The following HS3ST4 variants were observed in gnomAD, a reference collection of about 807,000 sequenced individuals.
HS3ST4 encodes the protein heparan sulfate-glucosamine 3-sulfotransferase 4.
Under a neutral mutation model 29.2 loss-of-function variants are expected in HS3ST4, and 17 were observed. That is an observed-to-expected ratio of 0.58 (90% CI 0.40 to 0.87). The LOEUF is 0.87. Ranked by LOEUF, HS3ST4 falls within the 40% of genes least tolerant of loss-of-function variation. The pLI, the probability that HS3ST4 is intolerant of heterozygous loss-of-function variation, is 0.00. For missense variants in HS3ST4, 627 were observed against 634.5 expected (o/e 0.99, Z 0.13); for synonymous variants, 314 against 285.7 (o/e 1.10, Z -1.00).
At chr16:26,090,203 T>G (rs8054302) in intron 1 of HS3ST4, among the ~76,000 whole-genome samples, 129 of 151,286 alleles carry the variant, frequency 8.5e-4, no homozygotes, top group African/African-American at 2.9e-3. Flanking sequence ...TTCCCAAGAT[T>G]ACACAACTGA....
intron 1 of HS3ST4, among the ~76,000 whole-genome samples, chr16:25,713,597 T>C (rs1966431818): frequency 6.6e-6 from 1 of 152,088 alleles, no homozygotes; most frequent in African/African-American, 2.4e-5. Flanking sequence ...AAGGCCTTGG[T>C]TCCTTGCATG....
chr16:25,768,047 G>A (rs1018788686), intron 1 of HS3ST4, among the ~76,000 whole-genome samples: 2 of 152,138 alleles, frequency 1.3e-5, no homozygotes, highest in African/African-American at 4.8e-5. Flanking sequence ...TTTACAGGGG[G>A]TGGCAGGGGA....
chr16:25,762,574 G>C (rs1966794796), intron 1 of HS3ST4, among the ~76,000 whole-genome samples: 1 of 152,074 alleles, frequency 6.6e-6, no homozygotes, highest in African/African-American at 2.4e-5. Context: ...AACGTGGCCA[G>C]GCATGGTGGC....
chr16:26,124,862 G>A (rs986146627), intron 1 of HS3ST4, among the ~76,000 whole-genome samples: 2 of 152,206 alleles, frequency 1.3e-5, no homozygotes, highest in Admixed American at 1.3e-4. Flanking sequence ...AAAGCTATGA[G>A]CCAACCTGCT....
At chr16:25,766,665 TG>T (rs1357826905) in intron 1 of HS3ST4, among the ~76,000 whole-genome samples, 4 of 152,240 alleles carry the variant, frequency 2.6e-5, no homozygotes, top group African/African-American at 9.6e-5. Flanking sequence ...TAATAAACAT[TG>T]GTGATACAAT....
At chr16:25,782,355 T>C (rs1966853405) in intron 1 of HS3ST4, among the ~76,000 whole-genome samples, 1 of 152,184 alleles carries the variant, frequency 6.6e-6, no homozygotes, top group South Asian at 2.1e-4. Context: ...CTTTTGCTAG[T>C]GTTGGTTTGT....
chr16:25,747,619 A>C (rs1242975736), intron 1 of HS3ST4, among the ~76,000 whole-genome samples: 1 of 152,226 alleles, frequency 6.6e-6, no homozygotes, highest in Non-Finnish European at 1.5e-5. Context: ...CAAAGAGAGA[A>C]GAGATGAGTG....
At position 25,758,973 on chromosome 16, in the gene HS3ST4, A is replaced by C. The variant is rs531515481; in HGVS notation, c.734+65822A>C. Among the ~76,000 whole-genome samples the C allele has an allele frequency of 2.3e-4, 7 of 30,588 alleles. No homozygotes were observed. In the Admixed American group the frequency reaches 3.5e-3, roughly 15 times the overall value. The allele number at this position is 30,588 out of a possible 152,430, so 20.1% of individuals were successfully genotyped here. On this transcript the variant is annotated intron_variant, in intron 1 of 1. Coordinates refer to ENST00000331351, the MANE Select transcript of HS3ST4 (RefSeq NM_006040.3). ...TCTGTCTCAAAAAAAACAAAAAACA[A>C]AAAAACAAAAAAAAACCCCAGAAAA... is the stretch of plus-strand genomic sequence containing the variant.
intron 1 of HS3ST4, among the ~76,000 whole-genome samples, chr16:26,108,857 C>T (rs893445296): frequency 2.6e-5 from 4 of 152,056 alleles, no homozygotes; most frequent in African/African-American, 7.2e-5. Context: ...AGTGATTAAT[C>T]GGAAATTCCT....
intron 1 of HS3ST4, among the ~76,000 whole-genome samples, chr16:25,835,869 G>A (rs1007141396): frequency 2.0e-5 from 3 of 152,148 alleles, no homozygotes; most frequent in East Asian, 1.9e-4. Context: ...TCTTGCTTGC[G>A]AGCAACAGAA....
intron 1 of HS3ST4, among the ~76,000 whole-genome samples, chr16:26,052,473 T>C (rs1373353146): frequency 6.6e-6 from 1 of 152,118 alleles, no homozygotes; most frequent in Non-Finnish European, 1.5e-5. Flanking sequence ...TGGGTTCAAG[T>C]GATTCTCCTG....
rs1898282834 is a variant in HS3ST4 at position 26,136,255 on chromosome 16, A to C, written c.*7A>C. 1 of 1,607,180 alleles carries C rather than the reference A, an allele frequency of 6.2e-7. No individual in the cohort carries two copies. The highest frequency in any genetic ancestry group is 2.2e-5 in the East Asian group (1 of 44,746). ...GGAAGAGGGTGATAAATGAGGCTAG[A>C]GAGGCAGAGGAAGGCTAGTCAATAA... On this transcript the variant is annotated 3_prime_UTR_variant, in exon 2 of 2. Coordinates refer to ENST00000331351, the MANE Select transcript of HS3ST4 (RefSeq NM_006040.3).
chr16:25,849,995 A>T (rs1188250172), intron 1 of HS3ST4, among the ~76,000 whole-genome samples: 1 of 135,876 alleles, frequency 7.4e-6, no homozygotes, highest in African/African-American at 2.7e-5. Context: ...ATAGATGCCT[A>T]GATGCCTTTT....
chr16:25,847,814 T>C (rs1353297441), intron 1 of HS3ST4, among the ~76,000 whole-genome samples: 2 of 152,224 alleles, frequency 1.3e-5, no homozygotes, highest in African/African-American at 4.8e-5. Context: ...ATTATATCAT[T>C]CCTGAGAAAA....
chr16:25,964,533 T>TA (rs1414458348), intron 1 of HS3ST4, among the ~76,000 whole-genome samples: 4 of 152,204 alleles, frequency 2.6e-5, no homozygotes, highest in African/African-American at 9.6e-5. Context: ...GTCCTATTGT[T>TA]ATTCTCATTT....
intron 1 of HS3ST4, among the ~76,000 whole-genome samples, chr16:25,914,287 G>T (rs114978238): frequency 0.017 from 2,541 of 150,610 alleles, 64 homozygotes; most frequent in African/African-American, 0.058. Context: ...TGGGTAGGGT[G>T]TGCACGTATA....
At chr16:25,966,078 C>T (rs546918427) in intron 1 of HS3ST4, among the ~76,000 whole-genome samples, 4 of 152,250 alleles carry the variant, frequency 2.6e-5, no homozygotes, top group East Asian at 3.9e-4. Flanking sequence ...ATTCTAAATG[C>T]GTTATATGGA....
At chr16:26,134,362 C>CTTTTTTTT (rs60068546) in intron 1 of HS3ST4, among the ~76,000 whole-genome samples, 10 of 76,774 alleles carry the variant, frequency 1.3e-4, no homozygotes, top group East Asian at 5.2e-4. Context: ...CTTTTCTTTT[C>CTTTTTTTT]TTTTTTTTTT....
chr16:25,863,212 T>C (rs1967656732), intron 1 of HS3ST4, among the ~76,000 whole-genome samples: 1 of 152,136 alleles, frequency 6.6e-6, no homozygotes, highest in East Asian at 1.9e-4. Flanking sequence ...GCCTCCCGAG[T>C]AGCCAGGACT....
Sources: gnomAD v4.1 joint callset for allele counts (sites outside exome capture counted in the v4.1 genomes callset) on GRCh38, gnomAD v4.1.1 for gene constraint, MANE v1.5 for transcripts, NCBI Gene and HGNC (gene_info 2026-07-23, HGNC 2026-07-21) for gene names.